Variants in ATRNL1 observed in about 807,000 individuals in gnomAD.
ATRNL1 encodes attractin-like protein 1.
In ATRNL1, 95 loss-of-function variants were observed where a neutral mutation model predicts 182.7. The observed-to-expected ratio is 0.52, with a 90% CI of 0.44 to 0.62. The LOEUF is 0.62. Among genes scored for constraint, ATRNL1 ranks in the 20% least tolerant of loss-of-function variants. The pLI is 0.00. For synonymous variants in ATRNL1, 576 were observed against 568.3 expected (o/e 1.01, Z -0.19); for missense variants, 1,471 against 1,679.5 (o/e 0.88, Z 2.17).
chr10:115,143,983 C>CTT (rs58145958), intron 5 of ATRNL1, among the ~76,000 whole-genome samples: 34 of 139,564 alleles, frequency 2.4e-4, no homozygotes, highest in African/African-American at 7.4e-4. Flanking sequence ...TTTTTTGTTT[C>CTT]TTTTTTTTTT....
intron 11 of ATRNL1, among the ~76,000 whole-genome samples, chr10:115,265,839 G>T (rs1033995819): frequency 6.6e-6 from 1 of 151,654 alleles, no homozygotes; most frequent in Non-Finnish European, 1.5e-5. Flanking sequence ...TGGTAATTTG[G>T]AATCCAGTGA....
chr10:115,403,991 G>A (rs571850779), intron 20 of ATRNL1, among the ~76,000 whole-genome samples: 8 of 152,300 alleles, frequency 5.3e-5, no homozygotes, highest in African/African-American at 1.9e-4. Context: ...TGTTACTCAT[G>A]TTAAGGTTGG....
chr10:115,861,295 C>A (rs1354357739), intron 28 of ATRNL1, among the ~76,000 whole-genome samples: 1 of 152,150 alleles, frequency 6.6e-6, no homozygotes, highest in Non-Finnish European at 1.5e-5. Context: ...CCCACCCAGG[C>A]GAGCTAAGGG....
chr10:115,606,013 A>C (rs1565208090), intron 26 of ATRNL1, among the ~76,000 whole-genome samples: 1 of 151,994 alleles, frequency 6.6e-6, no homozygotes, highest in Non-Finnish European at 1.5e-5. Context: ...ATAGGGAGAA[A>C]AAGAAGAAAA....
At chr10:115,202,446 T>TG (rs2144314697) in intron 8 of ATRNL1, among the ~76,000 whole-genome samples, 1 of 152,280 alleles carries the variant, frequency 6.6e-6, no homozygotes, top group South Asian at 2.1e-4. Context: ...CATGAAGGGC[T>TG]GTTGAATTTT....
rs1482338170 is a variant in ATRNL1 at position 115,699,442 on chromosome 10, A to T, written c.3796-27806A>T. ...ATTAAGAAATGTGATTTTTTGCGTAAGGATAGGCAATTAGATCAAGAGAAC... is the reference window on the plus strand; with the variant it reads ...ATTAAGAAATGTGATTTTTTGCGTATGGATAGGCAATTAGATCAAGAGAAC... On this transcript the variant is annotated intron_variant, in intron 26 of 28. Transcript: ENST00000355044. Among the ~76,000 whole-genome samples, 4 of 152,248 alleles carry T rather than the reference A, an allele frequency of 2.6e-5. No individual in the cohort carries two copies. The South Asian group carries it at 8.3e-4, about 32-fold the overall frequency.
Position 115,514,931 on chromosome 10 carries a change from G to A in ATRNL1, c.3655-4332G>A, listed in dbSNP as rs12241911. ...GTTTTGTCTATATTTATTTTATTCTGCTTAATTTCGATTTTCACTTTTAGC... is the reference window on the plus strand; with the variant it reads ...GTTTTGTCTATATTTATTTTATTCTACTTAATTTCGATTTTCACTTTTAGC... On this transcript the variant is annotated intron_variant, in intron 24 of 28. Coordinates refer to ENST00000355044, the MANE Select transcript of ATRNL1 (RefSeq NM_207303.4). Among the ~76,000 whole-genome samples the A allele has an allele frequency of 6.3e-3, 954 of 151,486 alleles. 11 individuals carry two copies. Among genetic ancestry groups the A allele is most frequent in the African/African-American group, 0.021 (888 of 41,322 alleles).
At chr10:115,587,188 A>G (rs190439354) in intron 26 of ATRNL1, among the ~76,000 whole-genome samples, 3,024 of 150,540 alleles carry the variant, frequency 0.02, 101 homozygotes, top group African/African-American at 0.07. Context: ...AAATCTGCAG[A>G]GGTTACTGCT....
chr10:115,258,594 T>C (rs1229388435), intron 10 of ATRNL1, among the ~76,000 whole-genome samples: 2 of 152,076 alleles, frequency 1.3e-5, no homozygotes, highest in African/African-American at 2.4e-5. Flanking sequence ...TGTTATTACC[T>C]ACCTTCTGAA....
chr10:115,402,391 G>C (rs1211813380), intron 20 of ATRNL1, among the ~76,000 whole-genome samples: 3 of 152,024 alleles, frequency 2.0e-5, no homozygotes, highest in African/African-American at 7.2e-5. Flanking sequence ...GTAAATTCCA[G>C]TGGAACTCCA....
intron 26 of ATRNL1, among the ~76,000 whole-genome samples, chr10:115,600,474 T>A (rs946440107): frequency 6.6e-6 from 1 of 152,172 alleles, no homozygotes; most frequent in Non-Finnish European, 1.5e-5. Flanking sequence ...CTCATAGTTA[T>A]AATTTTCAGT....
At chr10:115,815,760 C>A (rs2134268165) in intron 27 of ATRNL1, among the ~76,000 whole-genome samples, 1 of 152,030 alleles carries the variant, frequency 6.6e-6, no homozygotes, top group African/African-American at 2.4e-5. Context: ...GTGGGAGAAG[C>A]CTCTAGATCT....
At chr10:115,689,605 C>G (rs1383478238) in intron 26 of ATRNL1, among the ~76,000 whole-genome samples, 1 of 152,190 alleles carries the variant, frequency 6.6e-6, no homozygotes, top group Non-Finnish European at 1.5e-5. Context: ...CAGGATCAGA[C>G]AGACTGATTC....
Position 115,174,937 on chromosome 10 carries a change from A to G in ATRNL1, c.1348+3645A>G, listed in dbSNP as rs145804734. 4.5e-3 allele frequency among the ~76,000 whole-genome samples: 684 copies of G among 152,092 alleles called. 6 individuals carry two copies. Among genetic ancestry groups the G allele is most frequent in the African/African-American group, 0.016 (654 of 41,538 alleles). ...ATCTAGTAAATGGCCCAAAGTTCCC[A>G]GGGGGAATAGTTGTTTCGTATATGT... On this transcript the variant is annotated intron_variant, in intron 8 of 28. Transcript: ENST00000355044.
intron 20 of ATRNL1, among the ~76,000 whole-genome samples, chr10:115,402,353 AC>A (rs1844606731): frequency 6.6e-6 from 1 of 152,002 alleles, no homozygotes. Context: ...GGATGTCTGC[AC>A]CCCTGGTTTC....
chr10:115,883,443 G>A (rs1368013512), intron 28 of ATRNL1, among the ~76,000 whole-genome samples: 1 of 152,242 alleles, frequency 6.6e-6, no homozygotes, highest in Non-Finnish European at 1.5e-5. Flanking sequence ...AATGTTCACA[G>A]CAGCATAATT....
intron 25 of ATRNL1, among the ~76,000 whole-genome samples, chr10:115,543,979 ATAT>A (rs751928995): frequency 2.0e-5 from 3 of 151,700 alleles, no homozygotes; most frequent in Non-Finnish European, 4.4e-5. Context: ...AGATCTTTTG[ATAT>A]TATTATCGTA....
At chr10:115,613,387 A>G (rs1288496348) in intron 26 of ATRNL1, among the ~76,000 whole-genome samples, 3 of 152,116 alleles carry the variant, frequency 2.0e-5, no homozygotes, top group Non-Finnish European at 4.4e-5. Context: ...CCACTGTATT[A>G]TTGCGTGTAA....
At chr10:115,375,043 C>G (rs114693553) in intron 19 of ATRNL1, among the ~76,000 whole-genome samples, 2 of 151,080 alleles carry the variant, frequency 1.3e-5, no homozygotes, top group Non-Finnish European at 3.0e-5. Context: ...GACATTTTAT[C>G]TGGATGATCT....
Sources: gnomAD v4.1 joint callset for allele counts (sites outside exome capture counted in the v4.1 genomes callset) on GRCh38, gnomAD v4.1.1 for gene constraint, MANE v1.5 for transcripts, NCBI Gene and HGNC (gene_info 2026-07-23, HGNC 2026-07-21) for gene names.